COP1: variants seen among roughly 807,000 people sequenced by gnomAD.
The protein encoded by COP1 is E3 ubiquitin-protein ligase COP1.
COP1 carries 24 observed loss-of-function variants against 101.3 expected under a neutral mutation model. The observed-to-expected ratio is 0.24, with a 90% CI of 0.17 to 0.33. The LOEUF is 0.33. Ranked by LOEUF, COP1 falls within the 10% of genes least tolerant of loss-of-function variation. The pLI is 1.00. For synonymous variants in COP1, 347 were observed against 341.9 expected (o/e 1.01, Z -0.17); for missense variants, 663 against 906.2 (o/e 0.73, Z 3.45).
chr1:176,046,337 A>T lies in COP1; in HGVS notation c.1278-13T>A. 1.2e-6 allele frequency: 2 copies of T among 1,603,928 alleles called. No individual in the cohort carries two copies. Among genetic ancestry groups the T allele is most frequent in the Non-Finnish European group, 1.7e-6 (2 of 1,177,188 alleles). On this transcript the variant is annotated splice_polypyrimidine_tract_variant and intron_variant, in intron 11 of 19. Coordinates refer to ENST00000367669, the MANE Select transcript of COP1 (RefSeq NM_022457.7). Reference sequence around the variant, plus strand: ...GTCAAATTCAATACTAAGGGGAAAAAGTATGTAATGACAACATTTCAGAAT... The same window carrying T: ...GTCAAATTCAATACTAAGGGGAAAATGTATGTAATGACAACATTTCAGAAT...
intron 9 of COP1, among the ~76,000 whole-genome samples, chr1:176,112,223 C>CA (rs1186171855): frequency 0.017 from 2,291 of 134,304 alleles, 47 homozygotes; most frequent in African/African-American, 0.048. Flanking sequence ...AAAATATTTC[C>CA]AAAAAAAAAA....
At chr1:176,149,133 T>A in intron 5 of COP1, 59 bp from the exon 6 acceptor site, 1 of 1,092,382 alleles carries the variant, frequency 9.2e-7, no homozygotes, top group Non-Finnish European at 1.3e-6. Context: ...AAAGTTTTCT[T>A]TAACACCATA....
chr1:176,028,696 C>CATATATATATATATATATATATAT lies in COP1; in HGVS notation c.1613-1032_1613-1009dup, dbSNP rs369887649. Among the ~76,000 whole-genome samples the CATATATATATATATATATATATAT allele has an allele frequency of 2.0e-3, 98 of 47,876 alleles. 2 individuals are homozygous for CATATATATATATATATATATATAT. Among genetic ancestry groups the CATATATATATATATATATATATAT allele is most frequent in the South Asian group, 4.6e-3 (4 of 874 alleles). The allele number at this position is 47,876 out of a possible 152,430, so 31.4% of individuals were successfully genotyped here. A position where few individuals can be genotyped will look rare whatever the true frequency, so the allele number is the denominator to read the frequency against. On this transcript the variant is annotated intron_variant, in intron 14 of 19. Transcript: ENST00000367669. ...CTGGAGCTAGGTGGTATATTTGTTT[C>CATATATATATATATATATATATAT]ATATATATATATATATATATATATA... is the stretch of plus-strand genomic sequence containing the variant.
At chr1:176,033,271 AG>A (rs1367322301) in intron 14 of COP1, among the ~76,000 whole-genome samples, 1 of 151,986 alleles carries the variant, frequency 6.6e-6, no homozygotes, top group African/African-American at 2.4e-5. Flanking sequence ...AAAATTAGCC[AG>A]CTGTCGGGGC....
intron 11 of COP1, among the ~76,000 whole-genome samples, chr1:176,059,714 C>T (rs1333715630): frequency 2.6e-5 from 4 of 152,238 alleles, no homozygotes; most frequent in Non-Finnish European, 5.9e-5. Flanking sequence ...AACTCCTGAC[C>T]TCGTGATCCA....
In COP1 at chr1:176,116,104, A is replaced by G. The variant is rs577747301; in HGVS notation, c.1026+520T>C. Among the ~76,000 whole-genome samples, 7 of 152,280 alleles carry G rather than the reference A, an allele frequency of 4.6e-5. No individual in the cohort carries two copies. In the South Asian group the frequency reaches 1.5e-3, roughly 32 times the overall value. ...AGTAAGTTTTAAAAAACTGCCAGGGATAGTGATTTTCACCTGTAATCCTAC... is the reference window on the plus strand; with the variant it reads ...AGTAAGTTTTAAAAAACTGCCAGGGGTAGTGATTTTCACCTGTAATCCTAC... On this transcript the variant is annotated intron_variant, in intron 9 of 19. Transcript: ENST00000367669.
At chr1:176,173,324 G>GAAAAAA (rs11396126) in intron 3 of COP1, among the ~76,000 whole-genome samples, 2 of 93,740 alleles carry the variant, frequency 2.1e-5, no homozygotes, top group African/African-American at 4.4e-5. Context: ...AAAACAAAAT[G>GAAAAAA]AAAAAAAAAA....
intron 18 of COP1, among the ~76,000 whole-genome samples, chr1:175,959,989 C>T (rs1478818406): frequency 6.6e-6 from 1 of 152,174 alleles, no homozygotes; most frequent in African/African-American, 2.4e-5. Flanking sequence ...CAACTTGAGA[C>T]TCCATTCTGT....
chr1:175,949,168 C>CAAAAAAA (rs56280543), intron 18 of COP1, among the ~76,000 whole-genome samples: 723 of 43,124 alleles, frequency 0.017, 174 homozygotes, highest in East Asian at 0.025. Context: ...GGCTCCGTCT[C>CAAAAAAA]AAAAAAAAAA....
chr1:176,196,735 A>G (rs1337409953), intron 1 of COP1, among the ~76,000 whole-genome samples: 1 of 152,106 alleles, frequency 6.6e-6, no homozygotes, highest in Non-Finnish European at 1.5e-5. Context: ...AACATTCCAT[A>G]TCGTCTTTTA....
chr1:176,192,890 G>A (rs1032933998), intron 1 of COP1, among the ~76,000 whole-genome samples: 20 of 152,082 alleles, frequency 1.3e-4, no homozygotes, highest in African/African-American at 4.3e-4. Flanking sequence ...TTTTTAAAAA[G>A]TTGTTTCAGT....
chr1:176,111,748 T>C (rs986983639), intron 9 of COP1, among the ~76,000 whole-genome samples: 3 of 152,218 alleles, frequency 2.0e-5, no homozygotes, highest in South Asian at 2.1e-4. Flanking sequence ...TTTACAGTAT[T>C]CTTTAGTTTG....
chr1:176,166,629 T>A (rs1055034629), intron 3 of COP1, among the ~76,000 whole-genome samples: 1 of 152,200 alleles, frequency 6.6e-6, no homozygotes, highest in African/African-American at 2.4e-5. Context: ...ATGGTTATTT[T>A]TTTCTTCTTG....
At chr1:176,175,663 T>C (rs145357215) in intron 3 of COP1, among the ~76,000 whole-genome samples, 383 of 152,306 alleles carry the variant, frequency 2.5e-3, no homozygotes, top group African/African-American at 8.8e-3. Flanking sequence ...TACCAGTCCA[T>C]GGCCCAGGGG....
chr1:176,125,819 T>C (rs1188059119), intron 8 of COP1, among the ~76,000 whole-genome samples: 1 of 152,158 alleles, frequency 6.6e-6, no homozygotes, highest in African/African-American at 2.4e-5. Context: ...TTGGGTAGTA[T>C]GGACATTTTA....
At chr1:176,041,749 G>A (rs1670577746) in intron 14 of COP1, among the ~76,000 whole-genome samples, 1 of 152,068 alleles carries the variant, frequency 6.6e-6, no homozygotes. Context: ...GTAGATCACT[G>A]GAGGTCAGGA....
At chr1:175,994,678 T>G (rs1659624272) in intron 15 of COP1, among the ~76,000 whole-genome samples, 1 of 152,094 alleles carries the variant, frequency 6.6e-6, no homozygotes, top group Non-Finnish European at 1.5e-5. Context: ...AGAAATCAAT[T>G]CAACAAGAAG....
chr1:176,146,967 C>T (rs1256612909), intron 6 of COP1, among the ~76,000 whole-genome samples: 1 of 152,130 alleles, frequency 6.6e-6, no homozygotes, highest in African/African-American at 2.4e-5. Context: ...TGAATCTTAA[C>T]ATTAAATCCA....
intron 1 of COP1, among the ~76,000 whole-genome samples, chr1:176,205,521 G>C (rs1700746341): frequency 6.6e-6 from 1 of 152,150 alleles, no homozygotes; most frequent in Non-Finnish European, 1.5e-5. Flanking sequence ...CATAATGACT[G>C]TGCAAGCAGC....
Sources: allele counts gnomAD v4.1 joint callset (sites outside exome capture counted in the v4.1 genomes callset), GRCh38; gene constraint gnomAD v4.1.1; transcripts MANE v1.5; gene names NCBI Gene and HGNC (gene_info 2026-07-23, HGNC 2026-07-21).